ARHGAP24: variants seen among roughly 807,000 people sequenced by gnomAD.
ARHGAP24 encodes Rho GTPase activating protein 24.
Under a neutral mutation model 76.4 loss-of-function variants are expected in ARHGAP24, and 50 were observed. The ratio of observed to expected loss-of-function variants is 0.65; its 90% confidence interval spans 0.52 to 0.83. ARHGAP24 has a LOEUF of 0.83. ARHGAP24 is among the 40% of genes least tolerant of loss of function. The pLI, the probability that ARHGAP24 is intolerant of heterozygous loss-of-function variation, is 0.00. For missense variants in ARHGAP24, 930 were observed against 914.2 expected, an observed-to-expected ratio of 1.02 and a Z score of -0.22; for synonymous variants, 345 against 323.3, an observed-to-expected ratio of 1.07 and a Z score of -0.72.
intron 3 of ARHGAP24, among the ~76,000 whole-genome samples, chr4:85,843,207 T>C (rs992570542): frequency 6.6e-6 from 1 of 152,216 alleles, no homozygotes; most frequent in Non-Finnish European, 1.5e-5. Context: ...AATACTACCA[T>C]TAAAATGCCA....
intron 2 of ARHGAP24, among the ~76,000 whole-genome samples, chr4:85,681,026 G>A (rs2110009825): frequency 6.6e-6 from 1 of 152,124 alleles, no homozygotes; most frequent in South Asian, 2.1e-4. Context: ...TGTGTCTTGA[G>A]GATACACCTG....
chr4:85,925,018 G>A (rs969088519), intron 4 of ARHGAP24, among the ~76,000 whole-genome samples: 1 of 152,104 alleles, frequency 6.6e-6, no homozygotes, highest in African/African-American at 2.4e-5. Flanking sequence ...AGAATGGCTA[G>A]CAAGTGACTA....
At chr4:85,971,904 T>G (rs1344679148) in intron 5 of ARHGAP24, 132 bp from the exon 6 acceptor site, 3 of 1,272,844 alleles carry the variant, frequency 2.4e-6, no homozygotes, top group Non-Finnish European at 3.3e-6. Context: ...AAATGAGTGC[T>G]CTCTGAAAAC....
At chr4:85,893,825 C>G (rs1733975113) in intron 3 of ARHGAP24, among the ~76,000 whole-genome samples, 1 of 150,724 alleles carries the variant, frequency 6.6e-6, no homozygotes, top group Non-Finnish European at 1.5e-5. Context: ...TGGAAACCAT[C>G]ATTCTCAGTA....
chr4:85,972,279 A>C (rs181352474), intron 6 of ARHGAP24, 111 bp downstream of exon 6: 99 of 1,408,080 alleles, frequency 7.0e-5, no homozygotes, highest in Admixed American at 5.7e-4. Flanking sequence ...ACTCTCCACT[A>C]TCCTTTGAAT....
chr4:85,980,813 C>T (rs144908276), intron 8 of ARHGAP24, among the ~76,000 whole-genome samples: 151 of 152,296 alleles, frequency 9.9e-4, no homozygotes, highest in Non-Finnish European at 2.0e-3. Context: ...TATGAAGATG[C>T]TGTTGCCCTT....
intron 3 of ARHGAP24, among the ~76,000 whole-genome samples, chr4:85,836,609 CA>C (rs1368171858): frequency 6.6e-6 from 1 of 152,120 alleles, no homozygotes; most frequent in Non-Finnish European, 1.5e-5. Context: ...ACCCTATTTC[CA>C]AATATGACCA....
intron 3 of ARHGAP24, among the ~76,000 whole-genome samples, chr4:85,823,211 G>T (rs573328193): frequency 5.3e-5 from 8 of 152,042 alleles, no homozygotes; most frequent in Admixed American, 3.9e-4. Flanking sequence ...ACTACCTAGA[G>T]ATAAAAACTA....
At chr4:85,593,808 C>CT (rs1452409528) in intron 2 of ARHGAP24, among the ~76,000 whole-genome samples, 3 of 152,100 alleles carry the variant, frequency 2.0e-5, no homozygotes, top group Non-Finnish European at 4.4e-5. Flanking sequence ...TTACACTGGT[C>CT]TATATGTCTG....
rs13140224 is a variant in ARHGAP24 at position 85,610,452 on chromosome 4, A to G, written c.180+39731A>G. 2.4e-3 allele frequency among the ~76,000 whole-genome samples: 29 copies of G among 12,116 alleles called. No homozygotes were observed. In the East Asian group the frequency reaches 0.045, roughly 19 times the overall value. The allele number at this position is 12,116 out of a possible 152,430, so 7.9% of individuals were successfully genotyped here. On this transcript the variant is annotated intron_variant, in intron 2 of 9. Transcript: ENST00000395184. The stretch of plus-strand genomic sequence containing the variant: ...GAGTGAGGAGTGAGACTCCATCTAC[A>G]AAAAAAAAAAAAAAAAAAAAAAAAA...
chr4:85,602,005 A>G (rs1290013273), intron 2 of ARHGAP24, among the ~76,000 whole-genome samples: 1 of 149,650 alleles, frequency 6.7e-6, no homozygotes, highest in Admixed American at 6.8e-5. Context: ...AGGAAAAAGG[A>G]CAGAGAGCAG....
chr4:85,600,356 G>A (rs1365308592), intron 2 of ARHGAP24, among the ~76,000 whole-genome samples: 1 of 152,112 alleles, frequency 6.6e-6, no homozygotes, highest in African/African-American at 2.4e-5. Flanking sequence ...TTAAGAAAGG[G>A]AGTGACATGA....
intron 2 of ARHGAP24, among the ~76,000 whole-genome samples, chr4:85,614,456 C>A (rs1333797708): frequency 6.6e-6 from 1 of 152,038 alleles, no homozygotes; most frequent in Non-Finnish European, 1.5e-5. Flanking sequence ...CCTTGGGTAT[C>A]CACATGTACC....
intron 2 of ARHGAP24, among the ~76,000 whole-genome samples, chr4:85,595,364 C>T (rs1160474237): frequency 6.6e-6 from 1 of 152,040 alleles, no homozygotes; most frequent in Non-Finnish European, 1.5e-5. Context: ...ACATAAAGCA[C>T]TCAACTATAA....
In ARHGAP24 at chr4:85,666,557, G is replaced by A. The variant is rs183031330; in HGVS notation, c.181-55328G>A. 3.5e-3 allele frequency among the ~76,000 whole-genome samples: 538 copies of A among 152,276 alleles called. 1 individual carries two copies. Among genetic ancestry groups the A allele is most frequent in the African/African-American group, 0.012 (512 of 41,562 alleles). On this transcript the variant is annotated intron_variant, in intron 2 of 9. Coordinates refer to ENST00000395184, the MANE Select transcript of ARHGAP24 (RefSeq NM_001025616.3). Reference sequence around the variant, plus strand: ...TGGTGAGGAACTGCATTCCTTTGGAGGAGGAGAGGCACTCTGCTTGTTAGA... The same window carrying A: ...TGGTGAGGAACTGCATTCCTTTGGAAGAGGAGAGGCACTCTGCTTGTTAGA...
At chr4:85,729,873 C>T (rs75046080) in intron 3 of ARHGAP24, among the ~76,000 whole-genome samples, 5,010 of 152,060 alleles carry the variant, frequency 0.033, 249 homozygotes, top group African/African-American at 0.11. Context: ...AGATTTGGCC[C>T]GTGGGCATAG....
chr4:85,700,490 C>T (rs925349470), intron 2 of ARHGAP24, among the ~76,000 whole-genome samples: 5 of 151,424 alleles, frequency 3.3e-5, no homozygotes, highest in East Asian at 1.9e-4. Flanking sequence ...GAAAGTCAAA[C>T]GTAACTTCAA....
chr4:85,592,220 A>T (rs1459858354), intron 2 of ARHGAP24, among the ~76,000 whole-genome samples: 1 of 152,182 alleles, frequency 6.6e-6, no homozygotes, highest in Admixed American at 6.5e-5. Context: ...AGCTATTTTG[A>T]TACAAGTATA....
chr4:85,961,606 G>A (rs1348600717), intron 5 of ARHGAP24, among the ~76,000 whole-genome samples: 1 of 152,060 alleles, frequency 6.6e-6, no homozygotes, highest in African/African-American at 2.4e-5. Context: ...GGAAATGAGT[G>A]ACATGCAGTA....
Sources: allele counts gnomAD v4.1 joint callset (sites outside exome capture counted in the v4.1 genomes callset), GRCh38; gene constraint gnomAD v4.1.1; transcripts MANE v1.5; gene names NCBI Gene and HGNC (gene_info 2026-07-23, HGNC 2026-07-21).